The following ZBTB20 variants were observed in gnomAD, a reference collection of about 807,000 sequenced individuals.
ZBTB20 encodes zinc finger and BTB domain containing 20.
Under a neutral mutation model 56.9 loss-of-function variants are expected in ZBTB20, and 9 were observed. The observed-to-expected ratio is 0.16, with a 90% CI of 0.10 to 0.28. The LOEUF is 0.28. Ranked by LOEUF, ZBTB20 falls within the 10% of genes least tolerant of loss-of-function variation. The pLI is 1.00. For missense variants in ZBTB20, 655 were observed against 1,003.0 expected (o/e 0.65, Z 4.69); for synonymous variants, 417 against 420.7 (o/e 0.99, Z 0.11).
chr3:114,932,921 A>G (rs983241134), intron 3 of ZBTB20, among the ~76,000 whole-genome samples: 1 of 152,154 alleles, frequency 6.6e-6, no homozygotes, highest in African/African-American at 2.4e-5. Context: ...TGCTAGTTCT[A>G]AGCCAAGGCT....
chr3:114,659,402 A>G (rs1041689919), intron 6 of ZBTB20, among the ~76,000 whole-genome samples: 2 of 152,220 alleles, frequency 1.3e-5, no homozygotes, highest in African/African-American at 4.8e-5. Context: ...AACAGCTTGA[A>G]GAATATTCTA....
chr3:114,961,309 C>T (rs2107974734), intron 3 of ZBTB20, among the ~76,000 whole-genome samples: 1 of 151,778 alleles, frequency 6.6e-6, no homozygotes, highest in South Asian at 2.1e-4. Context: ...AAATAAAAGG[C>T]ATCTGGTTTG....
At chr3:114,729,121 CAA>C (rs1222813221) in intron 5 of ZBTB20, among the ~76,000 whole-genome samples, 4 of 152,188 alleles carry the variant, frequency 2.6e-5, no homozygotes, top group African/African-American at 7.2e-5. Flanking sequence ...CCCATGGACA[CAA>C]GAGACAACAC....
chr3:114,961,820 C>A (rs2077463862), intron 3 of ZBTB20, among the ~76,000 whole-genome samples: 1 of 152,078 alleles, frequency 6.6e-6, no homozygotes, highest in Non-Finnish European at 1.5e-5. Context: ...CAGAAGCCAA[C>A]ACTAATTCTG....
intron 2 of ZBTB20, among the ~76,000 whole-genome samples, chr3:115,051,597 T>C (rs2081550059): frequency 6.6e-6 from 1 of 152,208 alleles, no homozygotes; most frequent in African/African-American, 2.4e-5. Context: ...TCAAAATAGT[T>C]TGTTTTCCTA....
At chr3:114,754,898 CA>C (rs1266652226) in intron 5 of ZBTB20, among the ~76,000 whole-genome samples, 2 of 152,242 alleles carry the variant, frequency 1.3e-5, no homozygotes, top group African/African-American at 4.8e-5. Context: ...AATAAACCCT[CA>C]TTGATTGTTG....
At chr3:114,920,904 C>T (rs929654225) in intron 3 of ZBTB20, among the ~76,000 whole-genome samples, 1 of 151,788 alleles carries the variant, frequency 6.6e-6, no homozygotes, top group Non-Finnish European at 1.5e-5. Context: ...GGAAAATGGA[C>T]AATTAAAATG....
chr3:114,345,486 T>A (rs2080114786), intron 11 of ZBTB20, among the ~76,000 whole-genome samples: 3 of 152,216 alleles, frequency 2.0e-5, no homozygotes, highest in Non-Finnish European at 4.4e-5. Flanking sequence ...CACTACAAAA[T>A]CAAGCTTTGA....
chr3:114,755,762 C>T (rs1238650039), intron 5 of ZBTB20, among the ~76,000 whole-genome samples: 4 of 152,038 alleles, frequency 2.6e-5, no homozygotes, highest in African/African-American at 7.2e-5. Flanking sequence ...CTTCTGCTTC[C>T]GACCTGACCT....
chr3:114,442,753 T>C (rs1435986544), intron 7 of ZBTB20, among the ~76,000 whole-genome samples: 2 of 152,168 alleles, frequency 1.3e-5, no homozygotes, highest in Admixed American at 6.5e-5. Context: ...CACTGAAACC[T>C]TGAAGGACTG....
rs1250179263 is a variant in ZBTB20, at chr3:114,327,153, C to T, written c.*11852G>A. On this transcript the variant is annotated 3_prime_UTR_variant, in exon 12 of 12. Transcript: ENST00000675478. ...AGGCTCATAAGCAATAATAAATTCA[C>T]ACCCTGGAGTCTCTAGAATATCAAA... is the stretch of plus-strand genomic sequence containing the variant. 6.6e-6 allele frequency: 1 copy of T among 152,268 alleles called. No homozygotes were observed. Among genetic ancestry groups the T allele is most frequent in the Non-Finnish European group, 1.5e-5 (1 of 68,004 alleles). The allele number at this position is 152,268 out of a possible 1,614,324, so 9.4% of individuals were successfully genotyped here.
chr3:114,568,490 T>C (rs1577629528), intron 6 of ZBTB20, among the ~76,000 whole-genome samples: 1 of 152,338 alleles, frequency 6.6e-6, no homozygotes, highest in Admixed American at 6.5e-5. Flanking sequence ...AGATTTTGCA[T>C]GCACAGCTGG....
rs563658452 is a variant in ZBTB20, at chr3:114,942,939, G to A, written c.-456+31427C>T. ...ATCCTGGATAAACTGTAAATGCAAT[G>A]AGGTGAGGCCTGTATTCTTTTTCCA... On this transcript the variant is annotated intron_variant, in intron 3 of 11. Transcript: ENST00000675478. 6.3e-4 allele frequency among the ~76,000 whole-genome samples: 91 copies of A among 145,428 alleles called. 2 individuals are homozygous for A. The highest frequency in any genetic ancestry group is 2.5e-4 in the Non-Finnish European group (17 of 67,710).
chr3:114,606,360 AC>A (rs2057153499), intron 6 of ZBTB20, among the ~76,000 whole-genome samples: 1 of 152,130 alleles, frequency 6.6e-6, no homozygotes, highest in African/African-American at 2.4e-5. Flanking sequence ...CTGCTGACTT[AC>A]CGTTCTTTTA....
chr3:114,367,244 TC>T (rs2082505023), intron 10 of ZBTB20: 1 of 152,228 alleles, frequency 6.6e-6, no homozygotes, highest in Non-Finnish European at 1.5e-5. Flanking sequence ...ACAAGTCCAT[TC>T]CCTATAATTT....
At chr3:114,632,366 C>T (rs913601514) in intron 6 of ZBTB20, among the ~76,000 whole-genome samples, 2 of 152,180 alleles carry the variant, frequency 1.3e-5, no homozygotes, top group African/African-American at 4.8e-5. Context: ...CCCCCCTCTC[C>T]CCTGCAATTC....
chr3:114,409,125 C>CTTTTT (rs56339103), intron 7 of ZBTB20, among the ~76,000 whole-genome samples: 1 of 71,988 alleles, frequency 1.4e-5, no homozygotes, highest in Non-Finnish European at 2.5e-5. Context: ...AAAGGGAAGA[C>CTTTTT]TTTTTTTTTT....
At chr3:114,940,354 T>C (rs1412169441) in intron 3 of ZBTB20, among the ~76,000 whole-genome samples, 1 of 143,780 alleles carries the variant, frequency 7.0e-6, no homozygotes, top group East Asian at 1.9e-4. Flanking sequence ...GATTAATTCA[T>C]ATAAACTAAG....
intron 6 of ZBTB20, among the ~76,000 whole-genome samples, chr3:114,595,450 T>C (rs1183011270): frequency 1.3e-5 from 2 of 152,214 alleles, no homozygotes; most frequent in South Asian, 2.1e-4. Flanking sequence ...TTAAAATCTA[T>C]GGTATATAGC....
Sources: allele counts gnomAD v4.1 joint callset (sites outside exome capture counted in the v4.1 genomes callset), GRCh38; gene constraint gnomAD v4.1.1; transcripts MANE v1.5; gene names NCBI Gene and HGNC (gene_info 2026-07-23, HGNC 2026-07-21).